PMM2: variants seen among roughly 807,000 people sequenced by gnomAD.
PMM2 encodes phosphomannomutase 2.
PMM2 carries 35 observed loss-of-function variants against 33.2 expected under a neutral mutation model. That is an observed-to-expected ratio of 1.06 (90% CI 0.81 to 1.40). The LOEUF (loss-of-function observed/expected upper bound fraction) is 1.40, where lower values mean the gene tolerates loss of function less well. Ranked by LOEUF, PMM2 falls within the 40% of genes most tolerant of loss-of-function variation. The pLI is 0.00. For missense variants in PMM2, 386 were observed against 306.0 expected, an observed-to-expected ratio of 1.26 and a Z score of -1.95; for synonymous variants, 153 against 114.7, an observed-to-expected ratio of 1.33 and a Z score of -2.13.
rs1180881793 is a variant in PMM2, at chr16:8,832,864, C to T, written c.640-14860C>T. The stretch of plus-strand genomic sequence containing the variant: ...GATGGCCACATGGCCTGTGCCCTCA[C>T]GTCCCTCAGATGCCAGGGTTCCCTC... On this transcript the variant is annotated intron_variant, in intron 7 of 7. Transcript: ENST00000268261. 3.5e-5 allele frequency: 34 copies of T among 985,342 alleles called. No homozygotes were observed. The African/African-American group carries it at 5.2e-4, about 15-fold the overall frequency. The allele number at this position is 985,342 out of a possible 1,614,324, so 61.0% of individuals were successfully genotyped here. A position where few individuals can be genotyped will look rare whatever the true frequency, so the allele number is the denominator to read the frequency against.
intron 6 of PMM2, among the ~76,000 whole-genome samples, chr16:8,812,154 C>T (rs770376811): frequency 1.3e-5 from 2 of 152,152 alleles, no homozygotes; most frequent in Non-Finnish European, 2.9e-5. Flanking sequence ...ACCTTAGGGG[C>T]CAATTGGGTG....
intron 7 of PMM2, among the ~76,000 whole-genome samples, chr16:8,823,948 A>G (rs1161280939): frequency 1.3e-5 from 2 of 152,214 alleles, no homozygotes; most frequent in Non-Finnish European, 2.9e-5. Context: ...AGCCTTGGTA[A>G]AGTAACCGGC....
intron 7 of PMM2, among the ~76,000 whole-genome samples, chr16:8,842,942 TGGG>T (rs2060899591): frequency 6.6e-6 from 1 of 151,228 alleles, no homozygotes; most frequent in Non-Finnish European, 1.5e-5. Flanking sequence ...TGGGTTAAGG[TGGG>T]GGGATATGAG....
At chr16:8,840,145 G>A (rs569008504) in intron 7 of PMM2, among the ~76,000 whole-genome samples, 4 of 151,768 alleles carry the variant, frequency 2.6e-5, no homozygotes, top group East Asian at 1.9e-4. Context: ...GATTAGAAGC[G>A]GCTAGGAGAG....
At chr16:8,840,554 C>T (rs900946539) in intron 7 of PMM2, among the ~76,000 whole-genome samples, 12 of 151,738 alleles carry the variant, frequency 7.9e-5, no homozygotes, top group African/African-American at 1.5e-4. Context: ...AGGGTAAGGA[C>T]GAAAAACCTA....
At chr16:8,847,293 C>T (rs1412877327) in intron 7 of PMM2, among the ~76,000 whole-genome samples, 1 of 151,542 alleles carries the variant, frequency 6.6e-6, no homozygotes, top group East Asian at 1.9e-4. Flanking sequence ...TCCCTCATCA[C>T]AGGAATATCC....
At chr16:8,834,934 A>G (rs555380267) in intron 7 of PMM2, among the ~76,000 whole-genome samples, 203 of 152,342 alleles carry the variant, frequency 1.3e-3, no homozygotes, top group African/African-American at 4.5e-3. Context: ...GCCAGGAACA[A>G]TGGTAATTGT....
At chr16:8,831,693 C>A (rs2060810773) in intron 7 of PMM2, among the ~76,000 whole-genome samples, 1 of 152,218 alleles carries the variant, frequency 6.6e-6, no homozygotes, top group African/African-American at 2.4e-5. Flanking sequence ...TTCACTGCTA[C>A]ACTGCACAGG....
chr16:8,801,522 T>G (rs1359206452), intron 1 of PMM2, among the ~76,000 whole-genome samples: 1 of 152,090 alleles, frequency 6.6e-6, no homozygotes, highest in Non-Finnish European at 1.5e-5. Flanking sequence ...TATAAAAAAA[T>G]TAGCCAGGTG....
At chr16:8,823,837 G>A (rs1311746916) in intron 7 of PMM2, among the ~76,000 whole-genome samples, 2 of 152,170 alleles carry the variant, frequency 1.3e-5, no homozygotes, top group African/African-American at 4.8e-5. Flanking sequence ...TGTAGACAAG[G>A]TATGAGGCCA....
chr16:8,840,955 C>T (rs1482277591), intron 7 of PMM2, among the ~76,000 whole-genome samples: 2 of 151,966 alleles, frequency 1.3e-5, no homozygotes, highest in African/African-American at 4.8e-5. Flanking sequence ...GCCTAGAGGG[C>T]TGGTGTCTGG....
chr16:8,831,543 A>G (rs922310166), intron 7 of PMM2, among the ~76,000 whole-genome samples: 2 of 152,192 alleles, frequency 1.3e-5, no homozygotes, highest in African/African-American at 4.8e-5. Flanking sequence ...TCAAAAATAA[A>G]TAAGAGTCCC....
chr16:8,836,530 C>T (rs1487894458), intron 7 of PMM2, among the ~76,000 whole-genome samples: 1 of 151,952 alleles, frequency 6.6e-6, no homozygotes, highest in Non-Finnish European at 1.5e-5. Context: ...GCGGTTCAGG[C>T]GTTTGGAAGT....
At chr16:8,832,291 C>CT in intron 7 of PMM2, 1 of 985,450 alleles carries the variant, frequency 1.0e-6, no homozygotes, top group Non-Finnish European at 1.2e-6. Flanking sequence ...GTGCGGCTCT[C>CT]TGAAAGCGGG....
rs1377909621 is a variant in PMM2 at position 8,832,495 on chromosome 16, G to A, written c.640-15229G>A. Reference sequence around the variant, plus strand: ...CCACGGGAGGAGACTCGTGCCGTTAGGCCTCTGTCCCTGCATGTGACATCT... The same window carrying A: ...CCACGGGAGGAGACTCGTGCCGTTAAGCCTCTGTCCCTGCATGTGACATCT... On this transcript the variant is annotated intron_variant, in intron 7 of 7. Coordinates refer to ENST00000268261, the MANE Select transcript of PMM2 (RefSeq NM_000303.3). 4 of 985,284 alleles carry A rather than the reference G, an allele frequency of 4.1e-6. No individual in the cohort carries two copies. In the East Asian group the frequency reaches 3.4e-4, roughly 84 times the overall value. The allele number at this position is 985,284 out of a possible 1,614,324, so 61.0% of individuals were successfully genotyped here. A position where few individuals can be genotyped will look rare whatever the true frequency, so the allele number is the denominator to read the frequency against.
At chr16:8,806,464 G>A (rs777442220) in intron 4 of PMM2, 57 bp downstream of exon 4, 2 of 966,924 alleles carry the variant, frequency 2.1e-6, no homozygotes, top group Admixed American at 3.4e-5. Flanking sequence ...GTCACATGGT[G>A]GGCTAATGTG....
At chr16:8,805,218 C>T (rs1352719262) in intron 3 of PMM2, among the ~76,000 whole-genome samples, 1 of 152,198 alleles carries the variant, frequency 6.6e-6, no homozygotes, top group Non-Finnish European at 1.5e-5. Flanking sequence ...CAGGCACACG[C>T]CACCACACCC....
Position 8,835,399 on chromosome 16 carries a change from T to C in PMM2, c.640-12325T>C, listed in dbSNP as rs370919399. 1.4e-3 allele frequency among the ~76,000 whole-genome samples: 213 copies of C among 152,084 alleles called. 2 individuals carry two copies. The highest frequency in any genetic ancestry group is 4.2e-3 in the African/African-American group (175 of 41,494). Reference sequence around the variant, plus strand: ...AGTGGGGGCTGTCTGTGAAGCCTTGTGGCCGTACAGCCCAGGTAATTTGCT... The same window carrying C: ...AGTGGGGGCTGTCTGTGAAGCCTTGCGGCCGTACAGCCCAGGTAATTTGCT... On this transcript the variant is annotated intron_variant, in intron 7 of 7. Transcript: ENST00000268261.
At chr16:8,817,471 A>G (rs947670488) in intron 7 of PMM2, among the ~76,000 whole-genome samples, 5 of 152,230 alleles carry the variant, frequency 3.3e-5, no homozygotes, top group Non-Finnish European at 7.3e-5. Flanking sequence ...TAATGATGAC[A>G]TTCTTGCTTC....
Sources: allele counts gnomAD v4.1 joint callset (sites outside exome capture counted in the v4.1 genomes callset), GRCh38; gene constraint gnomAD v4.1.1; transcripts MANE v1.5; gene names NCBI Gene and HGNC (gene_info 2026-07-23, HGNC 2026-07-21).